The following DLGAP2 variants were observed in gnomAD, a reference collection of about 807,000 sequenced individuals.
The protein encoded by DLGAP2 is disks large-associated protein 2.
In DLGAP2, 26 loss-of-function variants were observed where a neutral mutation model predicts 100.3. The observed-to-expected ratio is 0.26, with a 90% CI of 0.19 to 0.36. The LOEUF is 0.36. DLGAP2 is among the 10% of genes least tolerant of loss of function. The pLI is 1.00. For synonymous variants in DLGAP2, 886 were observed against 630.1 expected, an observed-to-expected ratio of 1.41 and a Z score of -6.08; for missense variants, 1,858 against 1,453.2, an observed-to-expected ratio of 1.28 and a Z score of -4.53.
chr8:962,298 C>T (rs1484158823), intron 2 of DLGAP2, among the ~76,000 whole-genome samples: 1 of 152,150 alleles, frequency 6.6e-6, no homozygotes, highest in Admixed American at 6.5e-5. Flanking sequence ...GGCTTCTTCC[C>T]CTGGCCCTAG....
intron 2 of DLGAP2, among the ~76,000 whole-genome samples, chr8:1,091,661 T>G (rs73180698): frequency 0.17 from 25,834 of 152,084 alleles, 2,255 homozygotes; most frequent in Admixed American, 0.21. Context: ...TGATGCCGGA[T>G]GCTATGGAGA....
chr8:886,611 C>T (rs1797928413), intron 1 of DLGAP2, among the ~76,000 whole-genome samples: 1 of 152,144 alleles, frequency 6.6e-6, no homozygotes, highest in African/African-American at 2.4e-5. Flanking sequence ...TTGATTTCTG[C>T]CTTAATTTCA....
chr8:953,228 T>TC (rs1421696245), intron 2 of DLGAP2, among the ~76,000 whole-genome samples: 3 of 152,154 alleles, frequency 2.0e-5, no homozygotes, highest in Non-Finnish European at 4.4e-5. Context: ...GGAGTTTCGC[T>TC]CCATTGCCCA....
intron 4 of DLGAP2, among the ~76,000 whole-genome samples, chr8:1,502,531 C>G (rs1799758636): frequency 1.3e-5 from 2 of 152,064 alleles, no homozygotes; most frequent in Admixed American, 6.5e-5. Flanking sequence ...AGATTTGTTG[C>G]TAACTGACGT....
chr8:1,529,172 G>T (rs1370071468), intron 4 of DLGAP2, among the ~76,000 whole-genome samples: 1 of 152,172 alleles, frequency 6.6e-6, no homozygotes, highest in Admixed American at 6.5e-5. Flanking sequence ...GAAGGTGAAG[G>T]GGAAGCAAGG....
chr8:1,320,565 G>C (rs572124125), intron 3 of DLGAP2, among the ~76,000 whole-genome samples: 1 of 152,320 alleles, frequency 6.6e-6, no homozygotes, highest in South Asian at 2.1e-4. Flanking sequence ...CTGTGCTTGA[G>C]CTCAGCCTGG....
intron 2 of DLGAP2, among the ~76,000 whole-genome samples, chr8:1,118,708 G>A (rs989320183): frequency 3.3e-5 from 5 of 152,280 alleles, no homozygotes; most frequent in South Asian, 2.1e-4. Context: ...TATGAGGACC[G>A]AAAGAACTTG....
At chr8:1,297,329 A>G (rs1036173590) in intron 3 of DLGAP2, 1 of 152,288 alleles carries the variant, frequency 6.6e-6, no homozygotes, top group African/African-American at 2.4e-5. Flanking sequence ...AGAATGTTCT[A>G]GAGTCTAGAG....
intron 8 of DLGAP2, among the ~76,000 whole-genome samples, chr8:1,667,507 C>T (rs1173292993): frequency 2.0e-5 from 3 of 152,104 alleles, no homozygotes; most frequent in Admixed American, 1.3e-4. Flanking sequence ...ACCTATGGAG[C>T]CTGTACTTAT....
chr8:1,280,273 C>A (rs1179377102), intron 3 of DLGAP2, among the ~76,000 whole-genome samples: 2 of 152,164 alleles, frequency 1.3e-5, no homozygotes, highest in African/African-American at 4.8e-5. Context: ...ACCATCTCTG[C>A]ACTTAGTTTA....
At chr8:839,878 C>T (rs1010875583) in intron 1 of DLGAP2, among the ~76,000 whole-genome samples, 1 of 152,238 alleles carries the variant, frequency 6.6e-6, no homozygotes, top group Non-Finnish European at 1.5e-5. Flanking sequence ...CCTCTTTCCC[C>T]AGGCCGTTTG....
chr8:1,172,539 G>C (rs1382247364), intron 2 of DLGAP2, among the ~76,000 whole-genome samples: 1 of 152,132 alleles, frequency 6.6e-6, no homozygotes, highest in Non-Finnish European at 1.5e-5. Flanking sequence ...CGTAGATTTG[G>C]TCTTTTCACA....
chr8:973,725 C>T (rs1441929745), intron 2 of DLGAP2, among the ~76,000 whole-genome samples: 3 of 152,224 alleles, frequency 2.0e-5, no homozygotes, highest in Admixed American at 6.5e-5. Context: ...TCTACTTTAT[C>T]GGATAGTGTT....
intron 2 of DLGAP2, among the ~76,000 whole-genome samples, chr8:1,199,796 C>G (rs865974311): frequency 1.2e-4 from 18 of 151,844 alleles, no homozygotes; most frequent in African/African-American, 3.4e-4. Flanking sequence ...AACACTTAAA[C>G]GATGATTATT....
chr8:1,113,716 A>G (rs768653472), intron 2 of DLGAP2, among the ~76,000 whole-genome samples: 1 of 152,102 alleles, frequency 6.6e-6, no homozygotes, highest in Non-Finnish European at 1.5e-5. Flanking sequence ...TGCCCTGGCC[A>G]GAACTTCCAA....
chr8:890,360 G>A (rs899230928), intron 1 of DLGAP2, among the ~76,000 whole-genome samples: 1 of 152,260 alleles, frequency 6.6e-6, no homozygotes, highest in African/African-American at 2.4e-5. Flanking sequence ...CTGGATGAGT[G>A]TTTATTCTGT....
intron 2 of DLGAP2, among the ~76,000 whole-genome samples, chr8:1,047,254 T>C (rs1336956445): frequency 6.6e-6 from 1 of 152,194 alleles, no homozygotes; most frequent in African/African-American, 2.4e-5. Context: ...ACCTTTGCGG[T>C]CTGGTTTCTT....
intron 2 of DLGAP2, among the ~76,000 whole-genome samples, chr8:1,253,173 C>G (rs1799088225): frequency 1.3e-5 from 2 of 152,248 alleles, no homozygotes. Context: ...AAAGCGGTAC[C>G]CATCCCCAGC....
At chr8:1,118,082 C>T (rs919860566) in intron 2 of DLGAP2, among the ~76,000 whole-genome samples, 3 of 152,208 alleles carry the variant, frequency 2.0e-5, no homozygotes, top group Admixed American at 1.3e-4. Flanking sequence ...TGCTGTACCT[C>T]AGCTCCCAAA....
Sources: gnomAD v4.1 joint callset for allele counts (sites outside exome capture counted in the v4.1 genomes callset) on GRCh38, gnomAD v4.1.1 for gene constraint, MANE v1.5 for transcripts, NCBI Gene and HGNC (gene_info 2026-07-23, HGNC 2026-07-21) for gene names.